Variants in RANBP2 observed in about 807,000 individuals in gnomAD.
RANBP2 encodes E3 SUMO-protein ligase RanBP2.
RANBP2 carries 57 observed loss-of-function variants against 303.6 expected under a neutral mutation model. The ratio of observed to expected loss-of-function variants is 0.19; its 90% CI spans 0.15 to 0.23. The LOEUF (loss-of-function observed/expected upper bound fraction) is 0.23, where lower values mean the gene tolerates loss of function less well. RANBP2 is among the 10% of genes least tolerant of loss of function. RANBP2 has a pLI of 1.00. For missense variants in RANBP2, 3,138 were observed against 3,780.8 expected (o/e 0.83, Z 4.46); for synonymous variants, 1,167 against 1,301.5 (o/e 0.90, Z 2.23).
the RANBP2 span, among the ~76,000 whole-genome samples, chr2:108,988,441 C>G: frequency 3.3e-5 from 5 of 152,120 alleles, no homozygotes; most frequent in African/African-American, 9.7e-5. Flanking sequence ...TCCTTCTCTC[C>G]CTCTCCCCGC....
At chr2:109,259,195 G>A in the RANBP2 span, among the ~76,000 whole-genome samples, 4 of 152,248 alleles carry the variant, frequency 2.6e-5, no homozygotes, top group African/African-American at 9.6e-5. Context: ...TCCATAAAGT[G>A]TAGGCTTCTC....
the RANBP2 span, among the ~76,000 whole-genome samples, chr2:109,286,866 C>T: frequency 6.6e-6 from 1 of 152,162 alleles, no homozygotes; most frequent in African/African-American, 2.4e-5. Flanking sequence ...ACTCTAAATT[C>T]GTTGACCGGT....
the RANBP2 span, among the ~76,000 whole-genome samples, chr2:109,521,959 G>A: frequency 5.3e-5 from 8 of 152,188 alleles, no homozygotes; most frequent in Non-Finnish European, 8.8e-5. Context: ...CTGATCAGCC[G>A]GGCTCCCAGA....
chr2:109,708,218 T>C, the RANBP2 span, among the ~76,000 whole-genome samples: 1 of 150,958 alleles, frequency 6.6e-6, no homozygotes, highest in Admixed American at 6.6e-5. Flanking sequence ...TTTTTTTAGA[T>C]GAAGAAAATT....
chr2:108,894,208 C>T, the RANBP2 span, among the ~76,000 whole-genome samples: 1 of 152,178 alleles, frequency 6.6e-6, no homozygotes, highest in Non-Finnish European at 1.5e-5. Flanking sequence ...ATAAGTGATA[C>T]AATGCCTTAT....
At chr2:108,942,085 G>T in the RANBP2 span, among the ~76,000 whole-genome samples, 2 of 152,242 alleles carry the variant, frequency 1.3e-5, no homozygotes, top group African/African-American at 2.4e-5. Context: ...AAGTGGACCT[G>T]CAGGTGTGTG....
chr2:109,517,168 T>A, the RANBP2 span, among the ~76,000 whole-genome samples: 1 of 148,954 alleles, frequency 6.7e-6, no homozygotes, highest in Non-Finnish European at 1.5e-5. Flanking sequence ...ACCCGGAATG[T>A]GCAAAGGGTA....
At chr2:109,238,449 T>TTGTGTGTGTGTGTG in the RANBP2 span, among the ~76,000 whole-genome samples, 9 of 142,714 alleles carry the variant, frequency 6.3e-5, no homozygotes, top group Admixed American at 4.9e-4. Context: ...TTATGTATAT[T>TTGTGTGTGTGTGTG]TGTGTGTGTG....
chr2:109,375,476 G>T, the RANBP2 span, among the ~76,000 whole-genome samples: 1 of 152,298 alleles, frequency 6.6e-6, no homozygotes, highest in African/African-American at 2.4e-5. Flanking sequence ...TCACCCTCTG[G>T]AACTCTAGTC....
At chr2:109,052,040 G>T in the RANBP2 span, among the ~76,000 whole-genome samples, 5 of 152,136 alleles carry the variant, frequency 3.3e-5, no homozygotes, top group East Asian at 3.9e-4. Flanking sequence ...GAGCCACCAC[G>T]CCTGGACTAG....
At chr2:109,285,749 T>C in the RANBP2 span, among the ~76,000 whole-genome samples, 6 of 152,224 alleles carry the variant, frequency 3.9e-5, no homozygotes, top group Non-Finnish European at 8.8e-5. Context: ...AGCTGATGCC[T>C]TGTGGAACCT....
the RANBP2 span, among the ~76,000 whole-genome samples, chr2:109,583,736 C>T: frequency 1.3e-5 from 2 of 152,174 alleles, no homozygotes; most frequent in Non-Finnish European, 2.9e-5. Context: ...TGGAATCAAC[C>T]TAGCTGCCCA....
At chr2:109,156,345 C>T in the RANBP2 span, among the ~76,000 whole-genome samples, 1 of 152,192 alleles carries the variant, frequency 6.6e-6, no homozygotes, top group African/African-American at 2.4e-5. Context: ...TGCTTTCTCT[C>T]CTAGATGGTG....
chr2:109,619,660 T>G, the RANBP2 span, among the ~76,000 whole-genome samples: 1 of 152,226 alleles, frequency 6.6e-6, no homozygotes, highest in African/African-American at 2.4e-5. Flanking sequence ...AAAGACTAGA[T>G]AAGTAGTTTG....
At chr2:109,685,454 TGTCA>T in the RANBP2 span, among the ~76,000 whole-genome samples, 1 of 152,214 alleles carries the variant, frequency 6.6e-6, no homozygotes, top group Admixed American at 6.5e-5. Flanking sequence ...ACATATGAAG[TGTCA>T]TGCTTCTCAC....
At chr2:109,508,428 C>T in the RANBP2 span, among the ~76,000 whole-genome samples, 293 of 152,322 alleles carry the variant, frequency 1.9e-3, 3 homozygotes, top group African/African-American at 5.7e-3. Flanking sequence ...AGGGCCGCTC[C>T]TCCAGGACAT....
the RANBP2 span, among the ~76,000 whole-genome samples, chr2:109,433,440 G>T: frequency 6.6e-6 from 1 of 152,142 alleles, no homozygotes; most frequent in Non-Finnish European, 1.5e-5. Context: ...GGAATTTTTC[G>T]CTGAGATGAG....
chr2:108,809,511 G>T, the RANBP2 span, among the ~76,000 whole-genome samples: 1 of 150,334 alleles, frequency 6.7e-6, no homozygotes, highest in African/African-American at 2.4e-5. Flanking sequence ...ATTCATCAGT[G>T]TTTTATAGTT....
the RANBP2 span, among the ~76,000 whole-genome samples, chr2:109,304,068 T>A: frequency 6.7e-6 from 1 of 149,610 alleles, no homozygotes; most frequent in South Asian, 2.1e-4. Context: ...GCCATTGCAC[T>A]CCAGCCTGGG....
Sources: allele counts gnomAD v4.1 joint callset (sites outside exome capture counted in the v4.1 genomes callset), GRCh38; gene constraint gnomAD v4.1.1; transcripts MANE v1.5; gene names NCBI Gene and HGNC (gene_info 2026-07-23, HGNC 2026-07-21).